The following MYBPC3 variants were observed in gnomAD, a reference collection of about 807,000 sequenced individuals.
The protein encoded by MYBPC3 is myosin-binding protein C, cardiac-type.
A neutral mutation model predicts 159.3 loss-of-function variants in MYBPC3; 108 were observed. The ratio of observed to expected loss-of-function variants is 0.68; its 90% CI spans 0.58 to 0.80. MYBPC3 has a LOEUF of 0.80. MYBPC3 is among the 30% of genes least tolerant of loss of function. The pLI, the probability that MYBPC3 is intolerant of heterozygous loss-of-function variation, is 0.00. For missense variants in MYBPC3, 1,631 were observed against 1,762.1 expected (o/e 0.93, Z 1.33); for synonymous variants, 730 against 702.0 (o/e 1.04, Z -0.63).
chr11:47,332,204 G>A lies in MYBPC3; in HGVS notation c.3682C>T (p.Arg1228Cys), dbSNP rs201312636. ...AACACTCCCTGCTTGCTGAACATGCGGAAGCGGGCGTCTTCTCCCAGGTCC... is the reference window on the plus strand; with the variant it reads ...AACACTCCCTGCTTGCTGAACATGCAGAAGCGGGCGTCTTCTCCCAGGTCC... ...GLDLGEDARF[R>C]MFSKQGVLTL... Residue 1228 changes from arginine to cysteine, a missense_variant, in exon 33 of 35, where the codon CGC becomes TGC. Arg to Cys is a radical substitution (Grantham distance 180, BLOSUM62 -3). Coordinates refer to ENST00000545968, the MANE Select transcript of MYBPC3 (RefSeq NM_000256.3). This position sits in a 1 kb window ranked among gnomAD's most constrained non-coding sequence, Gnocchi z 4.2. 473 of 1,613,844 alleles carry A rather than the reference G, an allele frequency of 2.9e-4. No homozygotes were observed. The highest frequency in any genetic ancestry group is 1.4e-3 in the African/African-American group (103 of 75,046).
intron 5 of MYBPC3, among the ~76,000 whole-genome samples, chr11:47,349,044 T>C (rs1304898473): frequency 6.6e-6 from 1 of 151,006 alleles, no homozygotes; most frequent in African/African-American, 2.4e-5. Context: ...ATGATTGCCA[T>C]CTGCTGGCAC....
At chr11:47,333,894 G>A in intron 28 of MYBPC3, 28 bp downstream of exon 28, 2 of 1,559,194 alleles carry the variant, frequency 1.3e-6, no homozygotes, top group Non-Finnish European at 1.7e-6. Context: ...TCTCTCCCCT[G>A]GGGGACAGGG....
Position 47,351,860 on chromosome 11 carries a change from C to T in MYBPC3, c.26-355G>A, listed in dbSNP as rs1242319045. ...ACCATTTCGGGCCCTTGGCAGGGGG[C>T]GGGGAAGTCTGCCTACTTGGAATGT... On this transcript the variant is annotated intron_variant, in intron 1 of 34. Coordinates refer to ENST00000545968, the MANE Select transcript of MYBPC3 (RefSeq NM_000256.3). This position sits in a 1 kb window ranked among gnomAD's most constrained non-coding sequence, Gnocchi z 4.2. Among the ~76,000 whole-genome samples, 4 of 152,184 alleles carry T rather than the reference C, an allele frequency of 2.6e-5. No homozygotes were observed. The highest frequency in any genetic ancestry group is 1.9e-4 in the East Asian group (1 of 5,190).
At position 47,338,577 on chromosome 11, in the gene MYBPC3, C is replaced by T; in HGVS notation, c.2251G>A (p.Val751Ile). The change falls in exon 23 of 35, where the codon GTC becomes ATC. Residue 751 changes from valine to isoleucine, a missense_variant. Transcript: ENST00000545968. The surrounding 1 kb of genome is among the most constrained non-coding windows in gnomAD (Gnocchi z 4.7). The part of the protein sequence containing the change: ...AEKEDEGVYT[V>I]TVKNPVGEDQ... ...TCGCCCACAGGGTTCTTCACTGTGA[C>T]CGTGTAGACGCCCTCATCTTCCTTC... 6.2e-7 allele frequency: 1 copy of T among 1,614,024 alleles called. No individual in the cohort carries two copies. Among genetic ancestry groups the T allele is most frequent in the Non-Finnish European group, 8.5e-7 (1 of 1,179,892 alleles).
chr11:47,348,922 A>G (rs1354436495), intron 5 of MYBPC3, among the ~76,000 whole-genome samples: 1 of 126,502 alleles, frequency 7.9e-6, no homozygotes, highest in Admixed American at 8.2e-5. Context: ...ATATATATAT[A>G]TATATTTAAA....
chr11:47,350,396 G>C, intron 3 of MYBPC3, 106 bp downstream of exon 3: 8 of 1,505,870 alleles, frequency 5.3e-6, no homozygotes, highest in Non-Finnish European at 7.1e-6. Flanking sequence ...AAGTACTGGG[G>C]ATTATAGGCC....
In MYBPC3 at chr11:47,333,804, C is replaced by T. The variant is rs142343977; in HGVS notation, c.2995-52G>A. On this transcript the variant is annotated intron_variant, in intron 28 of 34. Transcript: ENST00000545968. ...AACCTGGATCACTCCAAGGGCCGGC[C>T]GCCACCCCAGCCTCTGGTACCTCAG... The T allele has an allele frequency of 5.4e-5, 83 of 1,550,672 alleles. 2 individuals carry two copies. In the African/African-American group the frequency reaches 7.7e-4, roughly 14 times the overall value.
rs541931249 is a variant in MYBPC3 at position 47,349,938 on chromosome 11, C to T, written c.506-16G>A. ...ATGCTGCCACCTGCAAAGGCAGGGGCGACAGGCCCGGCTTGGGGAGTGTCC... is the reference window on the plus strand; with the variant it reads ...ATGCTGCCACCTGCAAAGGCAGGGGTGACAGGCCCGGCTTGGGGAGTGTCC... On this transcript the variant is annotated splice_polypyrimidine_tract_variant and intron_variant, in intron 4 of 34. Transcript: ENST00000545968. 54 of 1,574,246 alleles carry T rather than the reference C, an allele frequency of 3.4e-5. No homozygotes were observed. The highest frequency in any genetic ancestry group is 8.1e-5 in the African/African-American group (6 of 74,058).
chr11:47,342,206 CGT>C (rs763657963), intron 17 of MYBPC3, 50 bp from the exon 18 acceptor site: 2 of 1,593,248 alleles, frequency 1.3e-6, no homozygotes, highest in South Asian at 2.2e-5. Context: ...GTGGGTGTGG[CGT>C]GAATCCCTGT....
At chr11:47,340,560 A>G (rs1453574618) in intron 20 of MYBPC3, among the ~76,000 whole-genome samples, 1 of 152,140 alleles carries the variant, frequency 6.6e-6, no homozygotes, top group Non-Finnish European at 1.5e-5. Context: ...CCAGCTACTC[A>G]GGAGGCTGAG....
intron 25 of MYBPC3, 121 bp downstream of exon 25, chr11:47,337,270 G>T: frequency 1.8e-6 from 2 of 1,086,602 alleles, no homozygotes; most frequent in Middle Eastern, 3.1e-4. Flanking sequence ...ATCCCCAGTC[G>T]AGGATGAAAG....
At position 47,351,351 on chromosome 11, in the gene MYBPC3, C is replaced by T; in HGVS notation, c.180G>A (p.Glu60=). 1 of 1,603,134 alleles carries T rather than the reference C, an allele frequency of 6.2e-7. No individual in the cohort carries two copies. Reference sequence around the variant, plus strand: ...GCACTGTCAGCGTATGCCGTGTGCCCTCTGTGGCCAGGCCGTACTTGTTGC... The same window carrying T: ...GCACTGTCAGCGTATGCCGTGTGCCTTCTGTGGCCAGGCCGTACTTGTTGC... ...SASNKYGLAT[E]GTRHTLTVRE... The change falls in exon 2 of 35, where the codon GAG becomes GAA. Residue 60 remains glutamate (E), a synonymous_variant. Transcript: ENST00000545968. The surrounding 1 kb of genome is among the most constrained non-coding windows in gnomAD (Gnocchi z 4.2).
chr11:47,339,630 C>A, intron 21 of MYBPC3, 21 bp downstream of exon 21: 1 of 1,554,790 alleles, frequency 6.4e-7, no homozygotes, highest in Non-Finnish European at 8.7e-7. Flanking sequence ...GATGGGGAGA[C>A]TGAGGAGGGA....
chr11:47,342,804 C>T (rs765704357), intron 16 of MYBPC3, 26 bp downstream of exon 16: 1 of 1,612,360 alleles, frequency 6.2e-7, no homozygotes, highest in Admixed American at 1.7e-5. Context: ...CCCCCAACAC[C>T]CATGCCCCGT....
chr11:47,333,768 G>T lies in MYBPC3; in HGVS notation c.2995-16C>A. ...GGGGCTTGCCCTGAGGGGAGGAAAA[G>T]CTTAACCCTGAACCTGGATCACTCC... is the stretch of plus-strand genomic sequence containing the variant. On this transcript the variant is annotated splice_polypyrimidine_tract_variant and intron_variant, in intron 28 of 34. Transcript: ENST00000545968. 1 of 1,581,146 alleles carries T rather than the reference G, an allele frequency of 6.3e-7. No individual in the cohort carries two copies. Among genetic ancestry groups the T allele is most frequent in the South Asian group, 1.2e-5 (1 of 86,544 alleles).
chr11:47,347,084 G>C, intron 9 of MYBPC3, 55 bp from the exon 10 acceptor site: 2 of 904,940 alleles, frequency 2.2e-6, no homozygotes, highest in Non-Finnish European at 3.6e-6. Flanking sequence ...GGGAGAGAGA[G>C]GGCAGAGAGA....
At position 47,342,464 on chromosome 11, in the gene MYBPC3, C is replaced by G; in HGVS notation, c.1624+114G>C. ...GATGAGGTTTAGGCTGTCAAAGGCC[C>G]AAGGTCACAGAGGCCTTGAGCCCAG... On this transcript the variant is annotated intron_variant, in intron 17 of 34. Transcript: ENST00000545968. The G allele has an allele frequency of 2.3e-6, 3 of 1,319,122 alleles. No individual in the cohort carries two copies. The East Asian group carries it at 7.6e-5, about 34-fold the overall frequency. 81.7% of individuals were successfully genotyped at this position (1,319,122 alleles called of 1,614,324 possible).
rs2095899066 is a variant in MYBPC3, at chr11:47,350,116, T to C, written c.407-4A>G. ...TTGAGAGCTGCTGAGCTTGACCCTG[T>C]GAGCAAAGGCTTTTTCTGTTTGTTT... On this transcript the variant is annotated splice_polypyrimidine_tract_variant and splice_region_variant and intron_variant, in intron 3 of 34. Coordinates refer to ENST00000545968, the MANE Select transcript of MYBPC3 (RefSeq NM_000256.3). 2 of 1,552,320 alleles carry C rather than the reference T, an allele frequency of 1.3e-6. No individual in the cohort carries two copies. Among genetic ancestry groups the C allele is most frequent in the Non-Finnish European group, 1.7e-6 (2 of 1,147,554 alleles).
intron 5 of MYBPC3, among the ~76,000 whole-genome samples, chr11:47,349,255 C>T (rs1400917523): frequency 4.6e-5 from 7 of 152,008 alleles, no homozygotes; most frequent in East Asian, 1.9e-4. Context: ...ACACAAAAAA[C>T]GAAGGCTTAA....
Sources: allele counts gnomAD v4.1 joint callset (sites outside exome capture counted in the v4.1 genomes callset), GRCh38; gene constraint gnomAD v4.1.1; non-coding constraint Gnocchi (gnomAD v3.1); transcripts MANE v1.5; gene names NCBI Gene and HGNC (gene_info 2026-07-23, HGNC 2026-07-21).